The following VPS16 variants were observed in gnomAD, a reference collection of about 807,000 sequenced individuals.
The protein encoded by VPS16 is VPS16 core subunit of CORVET and HOPS complexes.
In VPS16, 82 loss-of-function variants were observed where a neutral mutation model predicts 116.0. That is an observed-to-expected ratio of 0.71 (90% CI 0.59 to 0.85). The LOEUF (loss-of-function observed/expected upper bound fraction) is 0.85. Ranked by LOEUF, VPS16 falls within the 40% of genes least tolerant of loss-of-function variation. The pLI, the probability that VPS16 is intolerant of heterozygous loss-of-function variation, is 0.00. For synonymous variants in VPS16, 406 were observed against 420.7 expected, an observed-to-expected ratio of 0.96 and a Z score of 0.43; for missense variants, 928 against 1,090.6, an observed-to-expected ratio of 0.85 and a Z score of 2.10.
In VPS16 at chr20:2,841,763, AT is replaced by A. The variant is rs11483882; in HGVS notation, c.53+950del. ...ACCAGGCTCCTTCAGGGCTGAAAGC[AT>A]TTTTTTTTTTTTTGACAGAGTCTTC... On this transcript the variant is annotated intron_variant, in intron 1 of 23. Coordinates refer to ENST00000380445, the MANE Select transcript of VPS16 (RefSeq NM_022575.4). Among the ~76,000 whole-genome samples the A allele has an allele frequency of 8.0e-3, 1,142 of 142,804 alleles. 4 individuals are homozygous for A. Among genetic ancestry groups the A allele is most frequent in the African/African-American group, 0.014 (546 of 39,250 alleles). The allele number at this position is 142,804 out of a possible 152,430, so 93.7% of individuals were successfully genotyped here. A position where few individuals can be genotyped will look rare whatever the true frequency, so the allele number is the denominator to read the frequency against.
At position 2,859,808 on chromosome 20, in the gene VPS16, G is replaced by A; in HGVS notation, c.142+1G>A. 1.9e-6 allele frequency: 3 copies of A among 1,605,946 alleles called. No individual in the cohort carries two copies. The highest frequency in any genetic ancestry group is 2.5e-6 in the Non-Finnish European group (3 of 1,177,732). ...GCTGCACCCTATGGGGGCCCCATTG[G>A]TATGTTGCCCCTCCACCACCACCTG... On this transcript the variant is annotated splice_donor_variant, in intron 2 of 23. Transcript: ENST00000380445. LOFTEE classifies it high-confidence loss of function.
chr20:2,860,793 G>C lies in VPS16; in HGVS notation c.560G>C (p.Arg187Pro), dbSNP rs754414894. ...TGCTGGACTGTGCTGTGCCAGGACCGAGTGGCACACATTCTTCTGGCTGTG... is the reference window on the plus strand; with the variant it reads ...TGCTGGACTGTGCTGTGCCAGGACCCAGTGGCACACATTCTTCTGGCTGTG... ...PSCWTVLCQD[R>P]VAHILLAVGP... Residue 187 changes from arginine to proline, a missense_variant, in exon 6 of 24, where the codon CGA becomes CCA. Arg to Pro is a moderately radical substitution (Grantham distance 103). Transcript: ENST00000380445. The surrounding 1 kb of genome is among the most constrained non-coding windows in gnomAD (Gnocchi z 6.1). 1.2e-6 allele frequency: 2 copies of C among 1,614,064 alleles called. No individual in the cohort carries two copies. Among genetic ancestry groups the C allele is most frequent in the South Asian group, 2.2e-5 (2 of 91,092 alleles).
At position 2,865,121 on chromosome 20, in the gene VPS16, A is replaced by G. The variant is rs1404150678; in HGVS notation, c.2005-27A>G. 1.1e-5 allele frequency: 17 copies of G among 1,613,964 alleles called. No homozygotes were observed. Among genetic ancestry groups the G allele is most frequent in the Non-Finnish European group, 1.4e-5 (16 of 1,180,004 alleles). On this transcript the variant is annotated intron_variant, in intron 20 of 23. Transcript: ENST00000380445. The surrounding 1 kb of genome is among the most constrained non-coding windows in gnomAD (Gnocchi z 5.2). Reference sequence around the variant, plus strand: ...TCTTCCCTCCTGGTCCCTCATCCCCATCATGCCTCATTATCCGGGTCCCCA... The same window carrying G: ...TCTTCCCTCCTGGTCCCTCATCCCCGTCATGCCTCATTATCCGGGTCCCCA...
At chr20:2,859,954 T>C in intron 2 of VPS16, 100 bp from the exon 3 acceptor site, 1 of 1,528,800 alleles carries the variant, frequency 6.5e-7, no homozygotes, top group Non-Finnish European at 9.0e-7. Context: ...TTTATAGGCC[T>C]GCTTCACATG....
In VPS16 at chr20:2,860,143, A is replaced by G; in HGVS notation, c.232A>G (p.Ser78Gly). 1 of 1,614,068 alleles carries G rather than the reference A, an allele frequency of 6.2e-7. No homozygotes were observed. Among genetic ancestry groups the G allele is most frequent in the Non-Finnish European group, 8.5e-7 (1 of 1,180,010 alleles). Residue 78 changes from serine to glycine, a missense_variant, in exon 3 of 24, where the codon AGC (serine) becomes GGC (glycine). By Grantham distance (56) the Ser-to-Gly change is moderately conservative (BLOSUM62 0). Transcript: ENST00000380445. The surrounding 1 kb of genome is among the most constrained non-coding windows in gnomAD (Gnocchi z 6.1). ...CTCTGCTTCCGGCATGCCTCTGGCC[A>G]GCCTGCTGGTGAGCACTTCTGATGG... ...IYSASGMPLASLLWKSGPVVS... is the reference protein window; with the variant it reads ...IYSASGMPLAGLLWKSGPVVS...
intron 11 of VPS16, 125 bp from the exon 12 acceptor site, chr20:2,862,454 T>G: frequency 6.7e-7 from 1 of 1,484,480 alleles, no homozygotes; most frequent in East Asian, 2.4e-5. Context: ...GCTGAGGGAG[T>G]TGGGGCTCCA....
intron 1 of VPS16, among the ~76,000 whole-genome samples, chr20:2,842,549 G>A (rs147758250): frequency 0.024 from 3,657 of 151,680 alleles, 120 homozygotes; most frequent in African/African-American, 0.071. Flanking sequence ...GGAGGTTGCA[G>A]TGAGCCAAGA....
At chr20:2,848,080 T>C (rs1469931482) in intron 1 of VPS16, among the ~76,000 whole-genome samples, 1 of 152,210 alleles carries the variant, frequency 6.6e-6, no homozygotes, top group East Asian at 1.9e-4. Flanking sequence ...CCTCTGTACA[T>C]GTACCCAGTC....
Position 2,861,845 on chromosome 20 carries a change from G to A in VPS16, c.940G>A (p.Asp314Asn). 4 of 1,613,962 alleles carry A rather than the reference G, an allele frequency of 2.5e-6. No individual in the cohort carries two copies. Among genetic ancestry groups the A allele is most frequent in the Non-Finnish European group, 3.4e-6 (4 of 1,179,952 alleles). The change falls in exon 10 of 24, where the codon GAT becomes AAT. Residue 314 changes from aspartate to asparagine, a missense_variant. By Grantham distance (23) the Asp-to-Asn change is conservative (BLOSUM62 1). Transcript: ENST00000380445. Reference sequence around the variant, plus strand: ...GGACTCCTACCTGGTGCCTGAGCTCGATGGGGTCCGCATCTTCTCCCGCAG... The same window carrying A: ...GGACTCCTACCTGGTGCCTGAGCTCAATGGGGTCCGCATCTTCTCCCGCAG... ...DEDSYLVPEL[D>N]GVRIFSRSTH...
At chr20:2,842,829 T>TATAGATGTATCGATAGATAG (rs2089009599) in intron 1 of VPS16, among the ~76,000 whole-genome samples, 1 of 3,398 alleles carries the variant, frequency 2.9e-4, no homozygotes, top group African/African-American at 2.8e-3. Context: ...TAGATAGACA[T>TATAGATGTATCGATAGATAG]ATAGATGTAT....
In VPS16 at chr20:2,860,091, T is replaced by A. The variant is rs138335345; in HGVS notation, c.180T>A (p.Ala60=). 6.2e-7 allele frequency: 1 copy of A among 1,613,868 alleles called. No individual in the cohort carries two copies. The highest frequency in any genetic ancestry group is 1.3e-5 in the African/African-American group (1 of 74,910). The change falls in exon 3 of 24, where the codon GCT becomes GCA. Residue 60 remains alanine, a synonymous_variant. Transcript: ENST00000380445. This position sits in a 1 kb window ranked among gnomAD's most constrained non-coding sequence, Gnocchi z 6.1. ...LRNPWRKEKA[A]SVRPVLDIYS... The stretch of plus-strand genomic sequence containing the variant: ...ACCCCTGGCGGAAGGAGAAAGCTGC[T>A]AGTGTGAGGCCAGTGCTCGATATAT...
intron 1 of VPS16, among the ~76,000 whole-genome samples, chr20:2,848,845 G>A (rs965947464): frequency 1.3e-5 from 2 of 152,188 alleles, no homozygotes; most frequent in African/African-American, 4.8e-5. Flanking sequence ...ATATGTATCT[G>A]TTCCAGTGGG....
chr20:2,856,299 T>G (rs2089171371), intron 1 of VPS16, among the ~76,000 whole-genome samples: 1 of 152,208 alleles, frequency 6.6e-6, no homozygotes, highest in South Asian at 2.1e-4. Context: ...GGGTGCAGTT[T>G]GTGGCACCCC....
chr20:2,866,505 C>T lies in VPS16; in HGVS notation c.2451C>T (p.Cys817=). The change falls in exon 24 of 24, where the codon TGC becomes TGT. Residue 817 remains cysteine, a synonymous_variant. Transcript: ENST00000380445. Reference sequence around the variant, plus strand: ...AGCTGAGCCTCGTATTGTCCCACTGCACGGGAGCCACAGATGGGGCCACAG... The same window carrying T: ...AGCTGAGCCTCGTATTGTCCCACTGTACGGGAGCCACAGATGGGGCCACAG... ...EAELSLVLSH[C]TGATDGATAD... is the part of the protein sequence containing the mutation. 6.2e-7 allele frequency: 1 copy of T among 1,614,206 alleles called. No individual in the cohort carries two copies.
chr20:2,841,409 C>A (rs2088972510), intron 1 of VPS16, among the ~76,000 whole-genome samples: 1 of 152,218 alleles, frequency 6.6e-6, no homozygotes. Flanking sequence ...AAACTACGAA[C>A]TTCTCGTGGA....
At position 2,861,617 on chromosome 20, in the gene VPS16, G is replaced by A. The variant is rs1379160883; in HGVS notation, c.812G>A (p.Cys271Tyr). 3 of 1,609,332 alleles carry A rather than the reference G, an allele frequency of 1.9e-6. No individual in the cohort carries two copies. In the Admixed American group the frequency reaches 5.0e-5, roughly 27 times the overall value. Residue 271 changes from cysteine to tyrosine, a missense_variant and splice_region_variant, in exon 9 of 24, where the codon TGC (cysteine) becomes TAC (tyrosine). Physicochemically the swap from Cys to Tyr is radical, Grantham distance 194 (BLOSUM62 -2). Coordinates refer to ENST00000380445, the MANE Select transcript of VPS16 (RefSeq NM_022575.4). ...CAGTGTGTATATGCTGCTCACAGGT[G>A]CAGCCGTCCTCGTAGCAAGGAGAGG... ...IRAPPKQMVW[C>Y]SRPRSKERAV...
In VPS16 at chr20:2,860,220, G is replaced by A. The variant is rs368031168; in HGVS notation, c.241-19G>A. On this transcript the variant is annotated intron_variant, in intron 3 of 23. Transcript: ENST00000380445. The surrounding 1 kb of genome is among the most constrained non-coding windows in gnomAD (Gnocchi z 6.1). ...TTTCCTCACCTGAGGACAGCCTTAGGAACCTCTCTCCCCTGCAGTGGAAGA... is the reference window on the plus strand; with the variant it reads ...TTTCCTCACCTGAGGACAGCCTTAGAAACCTCTCTCCCCTGCAGTGGAAGA... 74 of 1,613,776 alleles carry A rather than the reference G, an allele frequency of 4.6e-5. No individual in the cohort carries two copies. Among genetic ancestry groups the A allele is most frequent in the African/African-American group, 6.7e-5 (5 of 74,900 alleles).
At chr20:2,844,309 T>TACA (rs2089037794) in intron 1 of VPS16, among the ~76,000 whole-genome samples, 1 of 152,216 alleles carries the variant, frequency 6.6e-6, no homozygotes, top group African/African-American at 2.4e-5. Flanking sequence ...GTGGCAGACA[T>TACA]TACATTTCAA....
At chr20:2,841,045 C>T (rs2088965326) in intron 1 of VPS16, 2 of 568,796 alleles carry the variant, frequency 3.5e-6, no homozygotes, top group South Asian at 4.2e-5. Flanking sequence ...ACAGTGGTCA[C>T]CCCGAAGCCC....
Sources: gnomAD v4.1 joint callset for allele counts (sites outside exome capture counted in the v4.1 genomes callset) on GRCh38, gnomAD v4.1.1 for gene constraint, Gnocchi (gnomAD v3.1) non-coding constraint, MANE v1.5 for transcripts, NCBI Gene and HGNC (gene_info 2026-07-23, HGNC 2026-07-21) for gene names.